The following SLC25A48 variants were observed in gnomAD, a reference collection of about 807,000 sequenced individuals.
The protein encoded by SLC25A48 is CTC-321K16.1.
A neutral mutation model predicts 32.2 loss-of-function variants in SLC25A48; 29 were observed. The ratio of observed to expected loss-of-function variants is 0.90; its 90% CI spans 0.67 to 1.23. The LOEUF (loss-of-function observed/expected upper bound fraction) is 1.23, where lower values mean the gene tolerates loss of function less well. Ranked by LOEUF, SLC25A48 falls within the 50% of genes most tolerant of loss-of-function variation. SLC25A48 has a pLI of 0.00. For synonymous variants in SLC25A48, 164 were observed against 172.3 expected (o/e 0.95, Z 0.38); for missense variants, 399 against 422.7 (o/e 0.94, Z 0.49).
intron 3 of SLC25A48, among the ~76,000 whole-genome samples, chr5:135,711,978 C>G (rs894989200): frequency 6.6e-6 from 1 of 152,010 alleles, no homozygotes; most frequent in Non-Finnish European, 1.5e-5. Flanking sequence ...TCTTCAGTCC[C>G]TCTGAAGCAC....
At chr5:135,839,611 A>G (rs1029974496) in intron 1 of SLC25A48, among the ~76,000 whole-genome samples, 2 of 152,150 alleles carry the variant, frequency 1.3e-5, no homozygotes, top group Non-Finnish European at 2.9e-5. Context: ...TTGGGAAGGC[A>G]TGATTTGTTT....
intron 3 of SLC25A48, among the ~76,000 whole-genome samples, chr5:135,674,856 A>G (rs1753731768): frequency 6.6e-6 from 1 of 151,642 alleles, no homozygotes; most frequent in East Asian, 1.9e-4. Context: ...TTTCTTTTGG[A>G]TAAATACCCA....
intron 4 of SLC25A48, among the ~76,000 whole-genome samples, chr5:135,864,112 G>A (rs768356276): frequency 1.3e-5 from 2 of 152,144 alleles, no homozygotes; most frequent in Non-Finnish European, 2.9e-5. Context: ...TGGGCTGGAT[G>A]GTAACAGCAG....
At chr5:135,785,253 G>C (rs527732572) in intron 3 of SLC25A48, among the ~76,000 whole-genome samples, 2 of 152,116 alleles carry the variant, frequency 1.3e-5, no homozygotes, top group Non-Finnish European at 2.9e-5. Flanking sequence ...CGGGTGGGGA[G>C]ATGGTGATAT....
intron 3 of SLC25A48, among the ~76,000 whole-genome samples, chr5:135,805,665 C>T (rs1757447019): frequency 6.6e-6 from 1 of 151,146 alleles, no homozygotes; most frequent in Non-Finnish European, 1.5e-5. Flanking sequence ...GGAGGTACAC[C>T]CTGTGATATT....
intron 3 of SLC25A48, among the ~76,000 whole-genome samples, chr5:135,806,833 G>A (rs901851903): frequency 6.7e-6 from 1 of 149,606 alleles, no homozygotes; most frequent in Non-Finnish European, 1.5e-5. Context: ...ATCTCAGTGT[G>A]TTAACATTAG....
intron 4 of SLC25A48, among the ~76,000 whole-genome samples, chr5:135,866,909 C>A (rs77355156): frequency 0.039 from 5,946 of 152,198 alleles, 354 homozygotes; most frequent in African/African-American, 0.13. Flanking sequence ...AACCACATGC[C>A]TCCTGAGTTT....
At chr5:135,730,522 G>T (rs1755198904) in intron 3 of SLC25A48, among the ~76,000 whole-genome samples, 1 of 152,128 alleles carries the variant, frequency 6.6e-6, no homozygotes. Flanking sequence ...TTTATAAATT[G>T]CTCAGTCTTG....
intron 3 of SLC25A48, among the ~76,000 whole-genome samples, chr5:135,696,975 A>G (rs1376846065): frequency 1.3e-5 from 2 of 152,242 alleles, no homozygotes; most frequent in Non-Finnish European, 2.9e-5. Context: ...AGGTAACAGT[A>G]GGATAATTGA....
intron 3 of SLC25A48, among the ~76,000 whole-genome samples, chr5:135,755,185 C>T (rs1452808675): frequency 2.0e-5 from 3 of 151,878 alleles, no homozygotes; most frequent in Admixed American, 6.6e-5. Flanking sequence ...AATGAAATAT[C>T]GCTCTGATAT....
chr5:135,778,341 A>G (rs540854832), intron 3 of SLC25A48, among the ~76,000 whole-genome samples: 8 of 150,402 alleles, frequency 5.3e-5, no homozygotes, highest in African/African-American at 2.0e-4. Flanking sequence ...AGGTGATATT[A>G]CTCCCAATAT....
chr5:135,692,676 C>T (rs924838174), intron 3 of SLC25A48, among the ~76,000 whole-genome samples: 8 of 152,224 alleles, frequency 5.3e-5, no homozygotes, highest in African/African-American at 1.9e-4. Flanking sequence ...GAGCTGTCTT[C>T]TTGCATGTCT....
chr5:135,849,948 C>A (rs1759708305), intron 2 of SLC25A48, among the ~76,000 whole-genome samples: 1 of 152,060 alleles, frequency 6.6e-6, no homozygotes, highest in Non-Finnish European at 1.5e-5. Flanking sequence ...ATCAGTCTGC[C>A]TGTTGTGTAA....
chr5:135,874,175 C>CG lies in SLC25A48; in HGVS notation c.813+25dup, dbSNP rs1561554566. ...TTAAAGTAAGCCCACAGCAGGCCTG[C>CG]GGGGTCAGTGTCAGTCCCTGGAAGG... On this transcript the variant is annotated intron_variant, in intron 6 of 7. Coordinates refer to ENST00000681962, the MANE Select transcript of SLC25A48 (RefSeq NM_001349336.2). 2.8e-6 allele frequency: 4 copies of CG among 1,426,482 alleles called. 1 individual carries two copies. In the South Asian group the frequency reaches 6.2e-5, roughly 22 times the overall value. 88.4% of individuals were successfully genotyped at this position (1,426,482 alleles called of 1,614,324 possible). A position where few individuals can be genotyped will look rare whatever the true frequency, so the allele number is the denominator to read the frequency against.
chr5:135,703,894 TG>T lies in SLC25A48; in HGVS notation c.-521+68944del, dbSNP rs1259020040. Among the ~76,000 whole-genome samples the T allele has an allele frequency of 2.6e-5, 4 of 152,186 alleles. No individual in the cohort carries two copies. The East Asian group carries it at 5.8e-4, about 22-fold the overall frequency. The stretch of plus-strand genomic sequence containing the variant: ...TTCTGCGTACTGTGCCCTTAAGATC[TG>T]GGGGGAAAGGACCACAGAGTCATGA... On this transcript the variant is annotated intron_variant, in intron 3 of 10. Coordinates refer to the SLC25A48 transcript ENST00000646290.
chr5:135,811,214 C>G (rs1757583707), intron 3 of SLC25A48, among the ~76,000 whole-genome samples: 1 of 152,192 alleles, frequency 6.6e-6, no homozygotes, highest in South Asian at 2.1e-4. Flanking sequence ...TAGATTCTCC[C>G]TGGGAAGGAG....
intron 3 of SLC25A48, among the ~76,000 whole-genome samples, chr5:135,743,547 C>T (rs1303293698): frequency 6.6e-6 from 1 of 152,158 alleles, no homozygotes; most frequent in Non-Finnish European, 1.5e-5. Flanking sequence ...CAGGCACGTA[C>T]TAAGTATCTG....
chr5:135,883,094 G>A, intron 7 of SLC25A48: 1 of 985,434 alleles, frequency 1.0e-6, no homozygotes, highest in Non-Finnish European at 1.2e-6. Context: ...AATGCTAAAA[G>A]TGTCTGCAGA....
intron 1 of SLC25A48, among the ~76,000 whole-genome samples, chr5:135,622,263 AT>A (rs1220768563): frequency 6.6e-6 from 1 of 152,246 alleles, no homozygotes; most frequent in African/African-American, 2.4e-5. Context: ...TGAAATGCTT[AT>A]ATCAAGAGCC....
Sources: allele counts gnomAD v4.1 joint callset (sites outside exome capture counted in the v4.1 genomes callset), GRCh38; gene constraint gnomAD v4.1.1; transcripts MANE v1.5; gene names NCBI Gene and HGNC (gene_info 2026-07-23, HGNC 2026-07-21).